The following MALRD1 variants were observed in gnomAD, a reference collection of about 807,000 sequenced individuals.
MALRD1 encodes the protein MAM and LDL receptor class A domain containing 1.
In MALRD1, 247 loss-of-function variants were observed where a neutral mutation model predicts 242.1. The observed-to-expected ratio is 1.02, with a 90% CI of 0.92 to 1.13. The LOEUF (loss-of-function observed/expected upper bound fraction) is 1.13, where lower values mean the gene tolerates loss of function less well. MALRD1 is among the 50% of genes most tolerant of loss of function. MALRD1 has a pLI of 0.00. For synonymous variants in MALRD1, 995 were observed against 866.6 expected, an observed-to-expected ratio of 1.15 and a Z score of -2.60; for missense variants, 2,989 against 2,533.1, an observed-to-expected ratio of 1.18 and a Z score of -3.86.
chr10:19,404,802 A>G (rs769851979), intron 28 of MALRD1, among the ~76,000 whole-genome samples: 30 of 152,156 alleles, frequency 2.0e-4, no homozygotes, highest in Non-Finnish European at 3.7e-4. Flanking sequence ...TAATAACTTC[A>G]ATGTGAACAC....
At chr10:19,713,973 G>A (rs1340718767) in intron 38 of MALRD1, among the ~76,000 whole-genome samples, 3 of 152,170 alleles carry the variant, frequency 2.0e-5, no homozygotes, top group Non-Finnish European at 4.4e-5. Context: ...TCTAGGGGGA[G>A]CACGCAGACA....
At chr10:19,321,901 G>A (rs1333718985) in intron 21 of MALRD1, among the ~76,000 whole-genome samples, 2 of 152,122 alleles carry the variant, frequency 1.3e-5, no homozygotes, top group Non-Finnish European at 2.9e-5. Flanking sequence ...GATGTGTGAA[G>A]AATGAATAGA....
rs141781346 is a variant in MALRD1, at chr10:19,551,680, A to G, written c.5479-15822A>G. On this transcript the variant is annotated intron_variant, in intron 32 of 39. Coordinates refer to ENST00000454679, the MANE Select transcript of MALRD1 (RefSeq NM_001142308.3). ...TGAGAGAGTGCATCCTTGTCTTGAA[A>G]GCGGAATGCTTCTAGCTTTTGCCCA... 5.3e-3 allele frequency among the ~76,000 whole-genome samples: 800 copies of G among 151,990 alleles called. 7 individuals carry two copies. The highest frequency in any genetic ancestry group is 8.8e-3 in the Admixed American group (134 of 15,226).
intron 28 of MALRD1, among the ~76,000 whole-genome samples, chr10:19,433,613 T>C (rs1421827097): frequency 6.6e-6 from 1 of 152,162 alleles, no homozygotes; most frequent in Admixed American, 6.5e-5. Flanking sequence ...CTCCATTAAC[T>C]ATATTGAAGA....
chr10:19,540,355 CAA>C (rs1406336956), intron 32 of MALRD1, among the ~76,000 whole-genome samples: 10 of 151,460 alleles, frequency 6.6e-5, no homozygotes, highest in Non-Finnish European at 1.3e-4. Flanking sequence ...GATGTGGTTG[CAA>C]AGACACGTGG....
At chr10:19,695,519 CTTTT>C (rs10579256) in intron 38 of MALRD1, among the ~76,000 whole-genome samples, 9 of 117,082 alleles carry the variant, frequency 7.7e-5, no homozygotes, top group Admixed American at 1.8e-4. Context: ...GTTTTTCTTT[CTTTT>C]TTTTTTTTTT....
chr10:19,672,084 T>A (rs1435084259), intron 36 of MALRD1, among the ~76,000 whole-genome samples: 4 of 152,180 alleles, frequency 2.6e-5, no homozygotes, highest in Non-Finnish European at 4.4e-5. Context: ...TCTTCCATTG[T>A]TAGCCATGCC....
intron 26 of MALRD1, among the ~76,000 whole-genome samples, chr10:19,371,047 T>A (rs1845349068): frequency 6.7e-6 from 1 of 149,312 alleles, no homozygotes; most frequent in Non-Finnish European, 1.5e-5. Context: ...GGTAGGAGTT[T>A]TAGACCAGGC....
chr10:19,438,424 G>C (rs912487664), intron 28 of MALRD1, among the ~76,000 whole-genome samples: 13 of 152,122 alleles, frequency 8.5e-5, no homozygotes, highest in African/African-American at 3.1e-4. Context: ...TACACATGTA[G>C]ATTGCTTCCA....
intron 18 of MALRD1, among the ~76,000 whole-genome samples, chr10:19,224,237 A>T (rs1453768330): frequency 6.6e-6 from 1 of 150,646 alleles, no homozygotes; most frequent in East Asian, 2.0e-4. Context: ...AATGATTGCC[A>T]TTCTAACTGG....
chr10:19,450,557 A>G lies in MALRD1; in HGVS notation c.5029+67A>G. The G allele has an allele frequency of 6.1e-6, 8 of 1,321,534 alleles. No individual in the cohort carries two copies. In the South Asian group the frequency reaches 1.0e-4, roughly 17 times the overall value. 81.9% of individuals were successfully genotyped at this position (1,321,534 alleles called of 1,614,324 possible). On this transcript the variant is annotated intron_variant, in intron 29 of 39. Transcript: ENST00000454679. ...AATCTAGCCATTTTATTTTTGTTAC[A>G]CAAGTTTACAATGCTTTACTGTTAT...
intron 14 of MALRD1, among the ~76,000 whole-genome samples, chr10:19,180,408 T>C (rs1264091078): frequency 6.6e-6 from 1 of 152,028 alleles, no homozygotes; most frequent in African/African-American, 2.4e-5. Context: ...AGCTCAGAAA[T>C]AAATCTAAAC....
chr10:19,050,389 C>CT (rs71387039), intron 1 of MALRD1, among the ~76,000 whole-genome samples: 17,435 of 148,960 alleles, frequency 0.12, 1,103 homozygotes, highest in East Asian at 0.22. Context: ...GCCCGGCCTT[C>CT]TTTTTTTTTT....
intron 18 of MALRD1, among the ~76,000 whole-genome samples, chr10:19,229,030 A>C (rs982700585): frequency 2.6e-5 from 4 of 151,876 alleles, no homozygotes; most frequent in South Asian, 4.2e-4. Flanking sequence ...GAATTGAAAA[A>C]ATTTTATTGG....
At chr10:19,506,358 A>AATCAGATTTCTC (rs1370193451) in intron 31 of MALRD1, among the ~76,000 whole-genome samples, 1 of 152,166 alleles carries the variant, frequency 6.6e-6, no homozygotes, top group Non-Finnish European at 1.5e-5. Context: ...AATGGACAAA[A>AATCAGATTTCTC]ATCAGATTTC....
At chr10:19,343,272 C>T (rs780899495) in intron 24 of MALRD1, among the ~76,000 whole-genome samples, 9 of 152,044 alleles carry the variant, frequency 5.9e-5, no homozygotes, top group Non-Finnish European at 8.8e-5. Context: ...TTCATAGAAA[C>T]TTCAAAGAGA....
At chr10:19,234,535 T>G (rs1838216857) in intron 18 of MALRD1, among the ~76,000 whole-genome samples, 1 of 152,072 alleles carries the variant, frequency 6.6e-6, no homozygotes, top group Middle Eastern at 3.2e-3. Flanking sequence ...AACAATGAAT[T>G]AATTGCCTGA....
intron 4 of MALRD1, among the ~76,000 whole-genome samples, chr10:19,103,755 T>A (rs565138884): frequency 3.0e-4 from 45 of 152,240 alleles, no homozygotes; most frequent in Admixed American, 1.4e-3. Context: ...ACTATCATGT[T>A]ACCTATCCTA....
chr10:19,341,105 T>C (rs1394706413), intron 24 of MALRD1, among the ~76,000 whole-genome samples: 1 of 152,116 alleles, frequency 6.6e-6, no homozygotes, highest in Non-Finnish European at 1.5e-5. Flanking sequence ...CCATTAGCAA[T>C]AATTTGTGTT....
Sources: allele counts gnomAD v4.1 joint callset (sites outside exome capture counted in the v4.1 genomes callset), GRCh38; gene constraint gnomAD v4.1.1; transcripts MANE v1.5; gene names NCBI Gene and HGNC (gene_info 2026-07-23, HGNC 2026-07-21).